AGTPBP1: variants seen among roughly 807,000 people sequenced by gnomAD.
AGTPBP1 encodes ATP/GTP binding carboxypeptidase 1.
A neutral mutation model predicts 143.9 loss-of-function variants in AGTPBP1; 70 were observed. The observed-to-expected ratio is 0.49, with a 90% CI of 0.40 to 0.59. AGTPBP1 has a LOEUF of 0.59. Among genes scored for constraint, AGTPBP1 ranks in the 20% least tolerant of loss-of-function variants. The pLI is 0.00. For missense variants in AGTPBP1, 1,229 were observed against 1,464.5 expected (o/e 0.84, Z 2.62); for synonymous variants, 463 against 500.2 (o/e 0.93, Z 0.99).
chr9:85,689,820 G>A (rs1033076612), intron 3 of AGTPBP1, among the ~76,000 whole-genome samples: 8 of 146,226 alleles, frequency 5.5e-5, no homozygotes, highest in African/African-American at 1.5e-4. Context: ...GCTTGAACTC[G>A]GGAAGTGGAG....
intron 25 of AGTPBP1, among the ~76,000 whole-genome samples, chr9:85,562,284 T>C (rs1587629903): frequency 6.6e-6 from 1 of 150,380 alleles, no homozygotes; most frequent in Non-Finnish European, 1.5e-5. Flanking sequence ...AATAATCTGG[T>C]AGATTTAAAC....
In AGTPBP1 at chr9:85,704,081, C is replaced by G. The variant is rs536196036; in HGVS notation, c.32+8421G>C. Among the ~76,000 whole-genome samples the G allele has an allele frequency of 4.1e-4, 63 of 152,276 alleles. No homozygotes were observed. The South Asian group carries it at 8.3e-3, about 20-fold the overall frequency. On this transcript the variant is annotated intron_variant, in intron 2 of 25. Coordinates refer to ENST00000357081, the MANE Select transcript of AGTPBP1 (RefSeq NM_001330701.2). The stretch of plus-strand genomic sequence containing the variant: ...TAAAGGTGGCCTTGGGCTTCTATAG[C>G]CTATCAACATGGAAAGACAGGAAAT...
intron 1 of AGTPBP1, among the ~76,000 whole-genome samples, chr9:85,717,466 C>T (rs529229616): frequency 8.5e-5 from 13 of 152,304 alleles, no homozygotes; most frequent in African/African-American, 2.9e-4. Context: ...CACACCACTG[C>T]GCTTCAGCCT....
chr9:85,672,537 C>T lies in AGTPBP1; in HGVS notation c.568+13G>A. ...ACAACACTGAGTTAACTAAAAGCCA[C>T]CTAAATACTCACAGTTGGCAGAATA... On this transcript the variant is annotated intron_variant, in intron 7 of 25. Coordinates refer to ENST00000357081, the MANE Select transcript of AGTPBP1 (RefSeq NM_001330701.2). 1.2e-6 allele frequency: 2 copies of T among 1,605,860 alleles called. No individual in the cohort carries two copies. The highest frequency in any genetic ancestry group is 1.1e-5 in the South Asian group (1 of 89,726).
the AGTPBP1 span, among the ~76,000 whole-genome samples, chr9:85,753,666 C>T: frequency 5.9e-5 from 9 of 151,808 alleles, no homozygotes; most frequent in Non-Finnish European, 1.3e-4. Context: ...GCAGGAGAAT[C>T]GCTTGAACCC....
At chr9:85,578,724 A>C (rs148226307) in intron 24 of AGTPBP1, among the ~76,000 whole-genome samples, 196 bp downstream of exon 24, 313 of 152,308 alleles carry the variant, frequency 2.1e-3, no homozygotes, top group African/African-American at 6.3e-3. Context: ...TAAGCTATTT[A>C]GTTCAGAGAA....
intron 3 of AGTPBP1, among the ~76,000 whole-genome samples, chr9:85,689,147 T>A (rs1257162870): frequency 6.6e-6 from 1 of 152,228 alleles, no homozygotes; most frequent in African/African-American, 2.4e-5. Flanking sequence ...ACTATAATTT[T>A]TTTTTCAATG....
chr9:85,805,009 T>C, the AGTPBP1 span, among the ~76,000 whole-genome samples: 181 of 152,224 alleles, frequency 1.2e-3, no homozygotes, highest in African/African-American at 3.5e-3. Flanking sequence ...TGGAGTCTCA[T>C]TCCCTCGGGA....
intron 2 of AGTPBP1, among the ~76,000 whole-genome samples, chr9:85,696,385 C>G (rs914625414): frequency 6.6e-5 from 10 of 151,706 alleles, no homozygotes; most frequent in African/African-American, 2.4e-4. Context: ...TGTGTCAACC[C>G]GGTCGGGCGC....
At position 85,682,878 on chromosome 9, in the gene AGTPBP1, G is replaced by A. The variant is rs536521357; in HGVS notation, c.158-1543C>T. ...TGAAAATTAAGTTACTCTAAATTAG[G>A]AGTAAACAGAGGGAAAAATGTACTA... On this transcript the variant is annotated intron_variant, in intron 3 of 25. Coordinates refer to ENST00000357081, the MANE Select transcript of AGTPBP1 (RefSeq NM_001330701.2). 5.1e-4 allele frequency among the ~76,000 whole-genome samples: 78 copies of A among 152,276 alleles called. 1 individual carries two copies. The highest frequency in any genetic ancestry group is 1.9e-3 in the African/African-American group (77 of 41,556).
the AGTPBP1 span, chr9:85,764,721 A>G: frequency 8.2e-7 from 1 of 1,218,172 alleles, no homozygotes; most frequent in Non-Finnish European, 1.2e-6. Flanking sequence ...TTAAACACAG[A>G]TAGTTTGAAA....
chr9:85,681,807 C>A lies in AGTPBP1; in HGVS notation c.158-472G>T, dbSNP rs192582625. ...TTCTGTCGCCCAGGCTGGAGTGCAA[C>A]GGCGCAATCTCCGCTCACTACAACC... On this transcript the variant is annotated intron_variant, in intron 3 of 25. Transcript: ENST00000357081. 7.8e-3 allele frequency among the ~76,000 whole-genome samples: 1,052 copies of A among 134,186 alleles called. 38 individuals are homozygous for A. Among genetic ancestry groups the A allele is most frequent in the Admixed American group, 0.072 (881 of 12,194 alleles). The allele number at this position is 134,186 out of a possible 152,430, so 88.0% of individuals were successfully genotyped here. A position where few individuals can be genotyped will look rare whatever the true frequency, so the allele number is the denominator to read the frequency against.
At chr9:85,688,636 AT>A (rs1305653536) in intron 3 of AGTPBP1, among the ~76,000 whole-genome samples, 1 of 152,218 alleles carries the variant, frequency 6.6e-6, no homozygotes, top group Non-Finnish European at 1.5e-5. Context: ...CAAATTAACC[AT>A]TTGCATGAAA....
rs531376103 is a variant in AGTPBP1, at chr9:85,634,905, T to A, written c.1303-1531A>T. Among the ~76,000 whole-genome samples the A allele has an allele frequency of 3.3e-5, 5 of 152,294 alleles. No individual in the cohort carries two copies. In the South Asian group the frequency reaches 1.0e-3, roughly 32 times the overall value. ...TTCCCAGTAACTATACATAAGAGTA[T>A]CTATTTCAACTGCTCTCTTCTTTGC... On this transcript the variant is annotated intron_variant, in intron 13 of 25. Coordinates refer to ENST00000357081, the MANE Select transcript of AGTPBP1 (RefSeq NM_001330701.2).
chr9:85,624,567 T>G (rs1448059719), intron 14 of AGTPBP1, among the ~76,000 whole-genome samples: 1 of 152,198 alleles, frequency 6.6e-6, no homozygotes, highest in Non-Finnish European at 1.5e-5. Context: ...ATACTTCCAC[T>G]ATTGCCTCAA....
Position 85,681,745 on chromosome 9 carries a change from CTTT to C in AGTPBP1, c.158-413_158-411del, listed in dbSNP as rs1204253430. ...TCCAATGCTATGATTGCATTAATATCTTTTTTTTTTTTTTTTTTTTTTGAGACG... is the reference window on the plus strand; with the variant it reads ...TCCAATGCTATGATTGCATTAATATCTTTTTTTTTTTTTTTTTTTGAGACG... On this transcript the variant is annotated intron_variant, in intron 3 of 25. Transcript: ENST00000357081. Among the ~76,000 whole-genome samples the C allele has an allele frequency of 7.6e-5, 8 of 105,892 alleles. No homozygotes were observed. The East Asian group carries it at 2.1e-3, about 28-fold the overall frequency. 69.5% of individuals were successfully genotyped at this position (105,892 alleles called of 152,430 possible). A position where few individuals can be genotyped will look rare whatever the true frequency, so the allele number is the denominator to read the frequency against.
chr9:85,766,425 T>G, the AGTPBP1 span, among the ~76,000 whole-genome samples: 22 of 152,198 alleles, frequency 1.4e-4, no homozygotes, highest in Non-Finnish European at 2.1e-4. Context: ...CATCTTTGAA[T>G]AAGGCACAGA....
intron 23 of AGTPBP1, 42 bp downstream of exon 23, chr9:85,585,419 CAT>C (rs1175840236): frequency 4.0e-6 from 6 of 1,496,778 alleles, no homozygotes; most frequent in South Asian, 1.4e-5. Context: ...TACTTTTATG[CAT>C]GTTTGAAATT....
chr9:85,764,869 A>T, the AGTPBP1 span: 1 of 1,264,790 alleles, frequency 7.9e-7, no homozygotes, highest in Non-Finnish European at 1.2e-6. Context: ...AGCTCCAGAA[A>T]CGAAGACACA....
Sources: gnomAD v4.1 joint callset for allele counts (sites outside exome capture counted in the v4.1 genomes callset) on GRCh38, gnomAD v4.1.1 for gene constraint, MANE v1.5 for transcripts, NCBI Gene and HGNC (gene_info 2026-07-23, HGNC 2026-07-21) for gene names.